The following RBFOX1 variants were observed in gnomAD, a reference collection of about 807,000 sequenced individuals.
The protein encoded by RBFOX1 is RNA binding protein fox-1 homolog 1.
Under a neutral mutation model 57.7 loss-of-function variants are expected in RBFOX1, and 8 were observed. The ratio of observed to expected loss-of-function variants is 0.14; its 90% CI spans 0.08 to 0.25. The LOEUF is 0.25. RBFOX1 is among the 10% of genes least tolerant of loss of function. The pLI is 1.00. For synonymous variants in RBFOX1, 326 were observed against 222.4 expected (o/e 1.47, Z -4.15); for missense variants, 611 against 548.5 (o/e 1.11, Z -1.14).
chr16:7,134,936 T>C (rs2152028275), intron 4 of RBFOX1, among the ~76,000 whole-genome samples: 1 of 152,280 alleles, frequency 6.6e-6, no homozygotes, highest in South Asian at 2.1e-4. Flanking sequence ...CTTTTTTTTT[T>C]TTCAATTTTG....
At chr16:7,404,183 G>C (rs2098295670) in intron 4 of RBFOX1, among the ~76,000 whole-genome samples, 1 of 151,882 alleles carries the variant, frequency 6.6e-6, no homozygotes, top group Non-Finnish European at 1.5e-5. Flanking sequence ...CTCCTGAGTA[G>C]CTGTGATTAC....
intron 3 of RBFOX1, among the ~76,000 whole-genome samples, chr16:5,839,120 C>G (rs145404178): frequency 2.8e-4 from 43 of 152,276 alleles, no homozygotes; most frequent in African/African-American, 1.0e-3. Context: ...TTCAACAGTA[C>G]TAAGGCTGAA....
At chr16:7,702,186 G>A (rs775204551) in intron 14 of RBFOX1, among the ~76,000 whole-genome samples, 2 of 152,200 alleles carry the variant, frequency 1.3e-5, no homozygotes, top group Non-Finnish European at 2.9e-5. Flanking sequence ...GGAGATTTTG[G>A]TTGTGTGGTA....
chr16:7,502,804 A>C (rs945424045), intron 4 of RBFOX1, among the ~76,000 whole-genome samples: 15 of 152,164 alleles, frequency 9.9e-5, no homozygotes, highest in Admixed American at 3.9e-4. Flanking sequence ...TGGGCAGATC[A>C]TCTGAGGTCA....
intron 3 of RBFOX1, among the ~76,000 whole-genome samples, chr16:7,031,955 C>T (rs569556007): frequency 6.6e-6 from 1 of 152,138 alleles, no homozygotes; most frequent in African/African-American, 2.4e-5. Context: ...TTGGGATGGA[C>T]TTCCTCGTTA....
At chr16:7,514,940 C>A (rs1010568855) in intron 4 of RBFOX1, among the ~76,000 whole-genome samples, 2 of 152,170 alleles carry the variant, frequency 1.3e-5, no homozygotes, top group African/African-American at 2.4e-5. Flanking sequence ...GGAGGGAAAC[C>A]TTTGTCTTCA....
intron 2 of RBFOX1, among the ~76,000 whole-genome samples, chr16:6,652,632 T>C (rs539621472): frequency 6.6e-6 from 1 of 152,036 alleles, no homozygotes; most frequent in African/African-American, 2.4e-5. Context: ...AAAATAAACT[T>C]CAGTCGTTGA....
chr16:6,149,980 C>T (rs187293700), intron 1 of RBFOX1, among the ~76,000 whole-genome samples: 2 of 152,244 alleles, frequency 1.3e-5, no homozygotes, highest in African/African-American at 2.4e-5. Flanking sequence ...CTTAGGGGAT[C>T]GCAGACATTC....
chr16:7,006,177 A>C (rs565636233), intron 3 of RBFOX1, among the ~76,000 whole-genome samples: 2 of 151,972 alleles, frequency 1.3e-5, no homozygotes, highest in South Asian at 4.2e-4. Flanking sequence ...TTTGAGATGG[A>C]GTCTCACTCT....
chr16:5,312,523 G>C (rs980644537), intron 1 of RBFOX1, among the ~76,000 whole-genome samples: 2 of 151,984 alleles, frequency 1.3e-5, no homozygotes, highest in African/African-American at 4.8e-5. Flanking sequence ...CACCATCTTG[G>C]CCAGGCTGGT....
chr16:6,871,917 G>GTT (rs2060966025), intron 3 of RBFOX1, among the ~76,000 whole-genome samples: 1 of 56,650 alleles, frequency 1.8e-5, no homozygotes, highest in African/African-American at 3.8e-5. Flanking sequence ...GAGTCTGTGT[G>GTT]TGTGTGTGTG....
At chr16:6,485,060 G>T (rs2095445631) in intron 2 of RBFOX1, among the ~76,000 whole-genome samples, 1 of 152,182 alleles carries the variant, frequency 6.6e-6, no homozygotes, top group Admixed American at 6.5e-5. Context: ...GGTGTTTGTG[G>T]CATGGAGTAA....
At chr16:5,657,664 T>C (rs1233561598) in intron 3 of RBFOX1, among the ~76,000 whole-genome samples, 1 of 89,042 alleles carries the variant, frequency 1.1e-5, no homozygotes, top group African/African-American at 4.6e-5. Context: ...TTTCTTTTCT[T>C]TCTTTCTTTT....
chr16:5,766,909 C>T (rs1313459145), intron 3 of RBFOX1, among the ~76,000 whole-genome samples: 1 of 152,240 alleles, frequency 6.6e-6, no homozygotes, highest in Non-Finnish European at 1.5e-5. Context: ...TTTTAAACCT[C>T]TACTTATAGT....
chr16:7,545,767 G>A (rs998241384), intron 5 of RBFOX1, among the ~76,000 whole-genome samples: 1 of 152,092 alleles, frequency 6.6e-6, no homozygotes, highest in Non-Finnish European at 1.5e-5. Context: ...GGTCCCAGGA[G>A]CTAGAAAACG....
chr16:5,476,489 T>C (rs560274325), intron 2 of RBFOX1, among the ~76,000 whole-genome samples: 19 of 152,278 alleles, frequency 1.2e-4, no homozygotes, highest in African/African-American at 4.3e-4. Context: ...CATTACTCAT[T>C]CATGTAGTGG....
At chr16:5,622,836 C>T (rs1445699735) in intron 3 of RBFOX1, among the ~76,000 whole-genome samples, 1 of 152,302 alleles carries the variant, frequency 6.6e-6, no homozygotes, top group East Asian at 1.9e-4. Flanking sequence ...AATATCCTTA[C>T]GTGTACGATG....
chr16:6,283,956 G>C (rs954754743), intron 1 of RBFOX1, among the ~76,000 whole-genome samples: 2 of 152,238 alleles, frequency 1.3e-5, no homozygotes, highest in Non-Finnish European at 2.9e-5. Flanking sequence ...TCCAAGTACA[G>C]GAGTGCAATG....
At chr16:6,219,553 C>T (rs2097358256) in intron 1 of RBFOX1, among the ~76,000 whole-genome samples, 1 of 152,090 alleles carries the variant, frequency 6.6e-6, no homozygotes, top group African/African-American at 2.4e-5. Flanking sequence ...TCGGGCAATT[C>T]ACTTAACCTC....
Sources: gnomAD v4.1 joint callset for allele counts (sites outside exome capture counted in the v4.1 genomes callset) on GRCh38, gnomAD v4.1.1 for gene constraint, MANE v1.5 for transcripts, NCBI Gene and HGNC (gene_info 2026-07-23, HGNC 2026-07-21) for gene names.